The following PIK3R5 variants were observed in gnomAD, a reference collection of about 807,000 sequenced individuals.
PIK3R5 encodes phosphoinositide-3-kinase regulatory subunit 5.
In PIK3R5, 32 loss-of-function variants were observed where a neutral mutation model predicts 94.9. The ratio of observed to expected loss-of-function variants is 0.34; its 90% CI spans 0.25 to 0.45. The LOEUF is 0.45. Among genes scored for constraint, PIK3R5 ranks in the 20% least tolerant of loss-of-function variants. PIK3R5 has a pLI of 1.00. For synonymous variants in PIK3R5, 443 were observed against 479.4 expected, an observed-to-expected ratio of 0.92 and a Z score of 0.99; for missense variants, 853 against 1,144.6, an observed-to-expected ratio of 0.75 and a Z score of 3.68.
rs763013140 is a variant in PIK3R5 at position 8,904,762 on chromosome 17, T to C, written c.412+15A>G. 9.3e-6 allele frequency: 15 copies of C among 1,613,122 alleles called. No homozygotes were observed. The Admixed American group carries it at 1.0e-4, about 11-fold the overall frequency. On this transcript the variant is annotated intron_variant, in intron 5 of 18. Transcript: ENST00000447110. This position sits in a 1 kb window ranked among gnomAD's most constrained non-coding sequence, Gnocchi z 5.1. Reference sequence around the variant, plus strand: ...TCTGAGCCCTGTCCCCCGTGCCAGCTGCCTCAGTGCTTACCTGGGGCCTTG... The same window carrying C: ...TCTGAGCCCTGTCCCCCGTGCCAGCCGCCTCAGTGCTTACCTGGGGCCTTG...
intron 1 of PIK3R5, among the ~76,000 whole-genome samples, chr17:8,923,094 C>A (rs1346352875): frequency 6.6e-6 from 1 of 152,094 alleles, no homozygotes; most frequent in Non-Finnish European, 1.5e-5. Context: ...TGACCCTGGG[C>A]CAGATACCAT....
At chr17:8,912,100 C>A (rs1043472851) in intron 1 of PIK3R5, 2 of 152,456 alleles carry the variant, frequency 1.3e-5, no homozygotes, top group African/African-American at 4.8e-5. Context: ...GGCAATGTTA[C>A]CTGTCATTCA....
intron 5 of PIK3R5, among the ~76,000 whole-genome samples, chr17:8,899,544 T>TA (rs1395717334): frequency 6.6e-6 from 1 of 152,234 alleles, no homozygotes; most frequent in Non-Finnish European, 1.5e-5. Flanking sequence ...GCTCACAAGC[T>TA]AAACGTCTTG....
At chr17:8,917,846 A>G (rs1421286624) in intron 1 of PIK3R5, among the ~76,000 whole-genome samples, 1 of 152,186 alleles carries the variant, frequency 6.6e-6, no homozygotes, top group Non-Finnish European at 1.5e-5. Flanking sequence ...AGCCTAGGTG[A>G]CACAGCAAGA....
At chr17:8,961,290 G>A (rs1158149143) in intron 1 of PIK3R5, among the ~76,000 whole-genome samples, 14 of 152,194 alleles carry the variant, frequency 9.2e-5, no homozygotes, top group Admixed American at 9.2e-4. Flanking sequence ...GGTGGTGGGT[G>A]TGGACCGTCT....
intron 5 of PIK3R5, among the ~76,000 whole-genome samples, chr17:8,902,381 A>G (rs2090305857): frequency 6.7e-6 from 1 of 150,114 alleles, no homozygotes; most frequent in South Asian, 2.1e-4. Context: ...CAGCCTCCCG[A>G]GTAGCTGGGA....
intron 1 of PIK3R5, among the ~76,000 whole-genome samples, chr17:8,917,681 T>C (rs773329867): frequency 1.3e-5 from 2 of 152,004 alleles, no homozygotes; most frequent in Non-Finnish European, 2.9e-5. Flanking sequence ...GCCTGACCAA[T>C]ATGGTGAAAC....
At chr17:8,938,471 A>G (rs2091116429) in intron 1 of PIK3R5, among the ~76,000 whole-genome samples, 1 of 152,204 alleles carries the variant, frequency 6.6e-6, no homozygotes, top group African/African-American at 2.4e-5. Context: ...CATCACAACT[A>G]TCTGATCCCA....
chr17:8,891,377 G>A (rs991831585), intron 6 of PIK3R5, among the ~76,000 whole-genome samples: 14 of 152,122 alleles, frequency 9.2e-5, no homozygotes, highest in African/African-American at 3.4e-4. Context: ...TCCTCGTGCC[G>A]TGGGGCTGCA....
Position 8,880,628 on chromosome 17 carries a change from C to T in PIK3R5, c.*11G>A, listed in dbSNP as rs2089629666. 6.3e-7 allele frequency: 1 copy of T among 1,597,012 alleles called. No homozygotes were observed. The highest frequency in any genetic ancestry group is 8.5e-7 in the Non-Finnish European group (1 of 1,171,844). On this transcript the variant is annotated 3_prime_UTR_variant, in exon 19 of 19. Coordinates refer to ENST00000447110, the MANE Select transcript of PIK3R5 (RefSeq NM_001142633.3). ...CCCAGGGCTTCTGTCCAGTCTGGCG[C>T]TGGGCCCACACTAGGGCAGAGCTCC...
chr17:8,894,477 G>A (rs1443438851), intron 5 of PIK3R5, among the ~76,000 whole-genome samples: 2 of 152,268 alleles, frequency 1.3e-5, no homozygotes, highest in East Asian at 3.9e-4. Flanking sequence ...CTGGCCTGGC[G>A]TCCTCCGTGC....
chr17:8,895,536 G>A (rs1408345712), intron 5 of PIK3R5, among the ~76,000 whole-genome samples: 1 of 152,074 alleles, frequency 6.6e-6, no homozygotes, highest in Non-Finnish European at 1.5e-5. Context: ...CATACCCAAC[G>A]GCCCAACCTC....
At chr17:8,907,749 G>A (rs1285183823) in intron 3 of PIK3R5, among the ~76,000 whole-genome samples, 1 of 151,894 alleles carries the variant, frequency 6.6e-6, no homozygotes, top group Non-Finnish European at 1.5e-5. Context: ...AAGCAATCCT[G>A]CCTCAGCCTC....
rs1378928648 is a variant in PIK3R5 at position 8,905,681 on chromosome 17, G to A, written c.261C>T (p.Ser87=). The A allele has an allele frequency of 6.2e-7, 1 of 1,604,674 alleles. No individual in the cohort carries two copies. Among genetic ancestry groups the A allele is most frequent in the Non-Finnish European group, 8.5e-7 (1 of 1,175,696 alleles). ...LLTPLALLFY[S]TVLCTPHFPP... is the part of the protein sequence containing the mutation. ...CACGTGGACTTACACAAAGAACAGTGGAATAGAAGAGCAGGGCCAGCGGGG... is the reference window on the plus strand; with the variant it reads ...CACGTGGACTTACACAAAGAACAGTAGAATAGAAGAGCAGGGCCAGCGGGG... Residue 87 remains serine (S), a synonymous_variant, in exon 4 of 19, where the codon TCC becomes TCT. Transcript: ENST00000447110.
intron 1 of PIK3R5, among the ~76,000 whole-genome samples, chr17:8,953,060 A>T (rs927075520): frequency 2.0e-5 from 3 of 152,174 alleles, no homozygotes; most frequent in Non-Finnish European, 4.4e-5. Flanking sequence ...CTGTAATAGC[A>T]CAGTGCCTTG....
intron 1 of PIK3R5, chr17:8,916,710 T>G (rs1177737268): frequency 6.6e-6 from 1 of 152,338 alleles, no homozygotes; most frequent in East Asian, 1.9e-4. Flanking sequence ...TTTCTTCCCA[T>G]GTTGACAGGA....
intron 1 of PIK3R5, among the ~76,000 whole-genome samples, chr17:8,963,750 T>C (rs570247052): frequency 6.6e-6 from 1 of 152,206 alleles, no homozygotes; most frequent in African/African-American, 2.4e-5. Flanking sequence ...AGAGACTGTC[T>C]GCTTCTACTG....
intron 5 of PIK3R5, among the ~76,000 whole-genome samples, chr17:8,899,730 C>T (rs1342205099): frequency 6.6e-6 from 1 of 152,128 alleles, no homozygotes; most frequent in African/African-American, 2.4e-5. Flanking sequence ...AGGAATTGGG[C>T]AGCAGGCCTG....
At chr17:8,938,048 TG>T (rs2151451205) in intron 1 of PIK3R5, among the ~76,000 whole-genome samples, 1 of 152,310 alleles carries the variant, frequency 6.6e-6, no homozygotes, top group South Asian at 2.1e-4. Context: ...TGACCTCAGG[TG>T]ATCTGCCTGC....
Sources: allele counts gnomAD v4.1 joint callset (sites outside exome capture counted in the v4.1 genomes callset), GRCh38; gene constraint gnomAD v4.1.1; non-coding constraint Gnocchi (gnomAD v3.1); transcripts MANE v1.5; gene names NCBI Gene and HGNC (gene_info 2026-07-23, HGNC 2026-07-21).